The following THADA variants were observed in gnomAD, a reference collection of about 807,000 sequenced individuals.
The protein encoded by THADA is THADA armadillo repeat containing.
THADA carries 213 observed loss-of-function variants against 219.8 expected under a neutral mutation model. That is an observed-to-expected ratio of 0.97 (90% CI 0.87 to 1.09). The LOEUF is 1.09. Among genes scored for constraint, THADA ranks in the 50% least tolerant of loss-of-function variants. The pLI, the probability that THADA is intolerant of heterozygous loss-of-function variation, is 0.00. For missense variants in THADA, 2,956 were observed against 2,311.3 expected (o/e 1.28, Z -5.72); for synonymous variants, 1,018 against 828.9 (o/e 1.23, Z -3.92).
intron 19 of THADA, among the ~76,000 whole-genome samples, 179 bp from the exon 20 acceptor site, chr2:43,549,547 G>A (rs559245406): frequency 9.9e-5 from 15 of 152,112 alleles, no homozygotes; most frequent in Non-Finnish European, 1.8e-4. Context: ...ATGCTTGAGT[G>A]CATTTTTAAA....
chr2:43,254,112 TGCCCTCACTGGCATCTG>T (rs1309494134), intron 36 of THADA, among the ~76,000 whole-genome samples: 2 of 151,744 alleles, frequency 1.3e-5, no homozygotes, highest in African/African-American at 4.8e-5. Context: ...AGGAATATGA[TGCCCTCACTGGCATCTG>T]GCCCCTGAGA....
chr2:43,593,156 G>A (rs948261424), intron 1 of THADA, among the ~76,000 whole-genome samples: 2 of 152,120 alleles, frequency 1.3e-5, no homozygotes, highest in African/African-American at 4.8e-5. Context: ...AATAAATCTG[G>A]AAGGACATGT....
intron 29 of THADA, among the ~76,000 whole-genome samples, chr2:43,391,487 G>T (rs1010602592): frequency 2.0e-5 from 3 of 152,054 alleles, no homozygotes; most frequent in Non-Finnish European, 2.9e-5. Flanking sequence ...TATAAGGAAG[G>T]GATTAATTCA....
chr2:43,305,465 G>A (rs1201334086), intron 31 of THADA, among the ~76,000 whole-genome samples: 1 of 152,112 alleles, frequency 6.6e-6, no homozygotes, highest in Non-Finnish European at 1.5e-5. Flanking sequence ...CATCATCTCT[G>A]CTTACACAGG....
At chr2:43,250,351 A>C (rs1054611475) in intron 36 of THADA, among the ~76,000 whole-genome samples, 57 of 152,238 alleles carry the variant, frequency 3.7e-4, no homozygotes, top group African/African-American at 1.3e-3. Flanking sequence ...TTAATAGGAA[A>C]AGTCACGGAG....
intron 31 of THADA, among the ~76,000 whole-genome samples, chr2:43,314,438 A>G (rs1303587463): frequency 6.6e-6 from 1 of 152,244 alleles, no homozygotes; most frequent in Non-Finnish European, 1.5e-5. Flanking sequence ...ACTTGGTAAA[A>G]GAAAATGTTC....
In THADA at chr2:43,302,780, C is replaced by T. The variant is rs10173636; in HGVS notation, c.4439-9567G>A. ...TTAAGAAAAAGATGTAGCCAGGTAT[C>T]GTGGCGTGCACCTGTAGTTCCAGCT... On this transcript the variant is annotated intron_variant, in intron 31 of 37. Coordinates refer to ENST00000405975, the MANE Select transcript of THADA (RefSeq NM_022065.5). Among the ~76,000 whole-genome samples the T allele has an allele frequency of 2.6e-5, 4 of 151,938 alleles. No individual in the cohort carries two copies. In the South Asian group the frequency reaches 8.3e-4, roughly 32 times the overall value.
intron 17 of THADA, 67 bp from the exon 18 acceptor site, chr2:43,552,406 A>T: frequency 6.7e-7 from 1 of 1,491,118 alleles, no homozygotes; most frequent in Non-Finnish European, 9.0e-7. Context: ...TACGAACAGC[A>T]AAATAGTTCC....
At chr2:43,578,111 CA>C (rs984316237) in intron 9 of THADA, among the ~76,000 whole-genome samples, 18 of 146,568 alleles carry the variant, frequency 1.2e-4, no homozygotes, top group African/African-American at 3.3e-4. Context: ...CCAGACAATG[CA>C]AAAAAAAATT....
At chr2:43,428,536 C>T (rs1337269745) in intron 27 of THADA, among the ~76,000 whole-genome samples, 1 of 152,010 alleles carries the variant, frequency 6.6e-6, no homozygotes, top group African/African-American at 2.4e-5. Flanking sequence ...ACCTAGGAGG[C>T]GGAGGTTGCA....
At chr2:43,297,498 T>G (rs1183360171) in intron 31 of THADA, among the ~76,000 whole-genome samples, 4 of 64,616 alleles carry the variant, frequency 6.2e-5, no homozygotes, top group African/African-American at 1.9e-4. Flanking sequence ...GGGAGGGAGG[T>G]GGGCGGTCAG....
At chr2:43,438,575 A>G (rs1410233006) in intron 26 of THADA, among the ~76,000 whole-genome samples, 1 of 152,224 alleles carries the variant, frequency 6.6e-6, no homozygotes, top group African/African-American at 2.4e-5. Context: ...TATGCACAGC[A>G]GCCACTTGTT....
intron 14 of THADA, 91 bp downstream of exon 14, chr2:43,570,297 C>T (rs1249640188): frequency 7.8e-7 from 1 of 1,274,684 alleles, no homozygotes. Flanking sequence ...CACAATTTAC[C>T]AAGAGACTTC....
At position 43,292,924 on chromosome 2, in the gene THADA, T is replaced by G; in HGVS notation, c.4728A>C (p.Gly1576=). Residue 1576 remains glycine (G), a synonymous_variant, in exon 32 of 38, where the codon GGA becomes GGC. Coordinates refer to ENST00000405975, the MANE Select transcript of THADA (RefSeq NM_022065.5). ...EKFLAAASGL[G]EKGVPPLLCN... ...ACAGCAAGGGTGGCACGCCCTTCTC[T>G]CCAAGTCCAGAGGCTGCTGCTAAGA... is the stretch of plus-strand genomic sequence containing the variant. The G allele has an allele frequency of 6.2e-7, 1 of 1,614,028 alleles. No individual in the cohort carries two copies. Among genetic ancestry groups the G allele is most frequent in the Non-Finnish European group, 8.5e-7 (1 of 1,179,882 alleles).
intron 22 of THADA, among the ~76,000 whole-genome samples, chr2:43,522,577 A>G (rs937412304): frequency 6.6e-6 from 1 of 152,226 alleles, no homozygotes; most frequent in Non-Finnish European, 1.5e-5. Flanking sequence ...TTACTTAAAA[A>G]GCTGGCATAG....
At chr2:43,585,077 G>T (rs906364575) in intron 7 of THADA, among the ~76,000 whole-genome samples, 1 of 152,036 alleles carries the variant, frequency 6.6e-6, no homozygotes, top group Non-Finnish European at 1.5e-5. Flanking sequence ...AGATTTAAAC[G>T]TACTGACATC....
intron 31 of THADA, among the ~76,000 whole-genome samples, chr2:43,293,843 T>C (rs189967496): frequency 3.3e-5 from 5 of 152,368 alleles, no homozygotes; most frequent in African/African-American, 4.8e-5. Context: ...CTCATTATTC[T>C]AGCTGCTTTC....
chr2:43,485,158 A>G (rs1293143437), intron 26 of THADA, 76 bp downstream of exon 26: 2 of 1,124,894 alleles, frequency 1.8e-6, no homozygotes, highest in East Asian at 2.4e-5. Flanking sequence ...AGTAGGCACA[A>G]TTTCAAAATT....
At chr2:43,331,749 C>G (rs1224875227) in intron 30 of THADA, among the ~76,000 whole-genome samples, 1 of 152,176 alleles carries the variant, frequency 6.6e-6, no homozygotes, top group African/African-American at 2.4e-5. Flanking sequence ...CCGCCCATCT[C>G]AAATATCTAA....
Sources: allele counts gnomAD v4.1 joint callset (sites outside exome capture counted in the v4.1 genomes callset), GRCh38; gene constraint gnomAD v4.1.1; transcripts MANE v1.5; gene names NCBI Gene and HGNC (gene_info 2026-07-23, HGNC 2026-07-21).